Variants in MAF observed in about 807,000 individuals in gnomAD.
The protein encoded by MAF is transcription factor Maf.
Under a neutral mutation model 22.0 loss-of-function variants are expected in MAF, and 10 were observed. That is an observed-to-expected ratio of 0.45 (90% CI 0.28 to 0.77). The LOEUF (loss-of-function observed/expected upper bound fraction) is 0.77. MAF is among the 30% of genes least tolerant of loss of function. The probability of loss-of-function intolerance (pLI) is 0.12; values close to 1 mark genes in which losing one functional copy is unlikely to be tolerated. For missense variants in MAF, 544 were observed against 548.4 expected (o/e 0.99, Z 0.08); for synonymous variants, 337 against 255.8 (o/e 1.32, Z -3.03).
the MAF span, among the ~76,000 whole-genome samples, chr16:79,437,699 C>G: frequency 6.6e-6 from 1 of 152,166 alleles, no homozygotes; most frequent in East Asian, 1.9e-4. Context: ...GCATTACTCT[C>G]TGCTAGCTTC....
Position 79,598,261 on chromosome 16 carries a change from A to C in MAF, c.1118+524T>G, listed in dbSNP as rs1432314341. The C allele has an allele frequency of 4.7e-6, 5 of 1,058,006 alleles. No individual in the cohort carries two copies. In the African/African-American group the frequency reaches 8.5e-5, roughly 18 times the overall value. 65.5% of individuals were successfully genotyped at this position (1,058,006 alleles called of 1,614,324 possible). ...GCAACACAGCAAGCTCTAAAAGTAAAATTAAAAAAAAAAATCCAAACAAAA... is the reference window on the plus strand; with the variant it reads ...GCAACACAGCAAGCTCTAAAAGTAACATTAAAAAAAAAAATCCAAACAAAA... On this transcript the variant is annotated intron_variant, in intron 1 of 1. Transcript: ENST00000326043.
chr16:79,284,176 G>C, the MAF span, among the ~76,000 whole-genome samples: 1 of 152,108 alleles, frequency 6.6e-6, no homozygotes, highest in South Asian at 2.1e-4. Context: ...GCGCCCAGGA[G>C]CTTAAAGCAA....
At chr16:79,597,685 G>C (rs1913615591) in intron 1 of MAF, 8 of 1,020,120 alleles carry the variant, frequency 7.8e-6, no homozygotes, top group Non-Finnish European at 9.4e-6. Context: ...AAAAAGTCAT[G>C]AGGCAATAAA....
the MAF span, among the ~76,000 whole-genome samples, chr16:79,520,860 T>C: frequency 1.9e-4 from 29 of 152,292 alleles, no homozygotes; most frequent in African/African-American, 6.7e-4. Flanking sequence ...GTATTCACCA[T>C]GTGCCTGGGA....
At chr16:79,231,325 A>G in the MAF span, among the ~76,000 whole-genome samples, 10 of 152,086 alleles carry the variant, frequency 6.6e-5, 1 homozygote, top group Admixed American at 2.6e-4. Context: ...TTCTGGGGTA[A>G]AACTGGAAAT....
the MAF span, among the ~76,000 whole-genome samples, chr16:79,320,767 C>T: frequency 6.6e-6 from 1 of 152,186 alleles, no homozygotes; most frequent in Non-Finnish European, 1.5e-5. Context: ...CAGGGCTTGG[C>T]ACTTAATAAA....
At chr16:79,485,562 T>C in the MAF span, among the ~76,000 whole-genome samples, 1 of 152,224 alleles carries the variant, frequency 6.6e-6, no homozygotes, top group Non-Finnish European at 1.5e-5. Context: ...ACACATTGAA[T>C]TTAGTTGTAG....
the MAF span, among the ~76,000 whole-genome samples, chr16:79,502,942 A>T: frequency 0.038 from 5,763 of 151,500 alleles, 348 homozygotes; most frequent in African/African-American, 0.13. Context: ...CATCTTAGTA[A>T]ATATAATTAA....
At chr16:79,282,027 G>A in the MAF span, among the ~76,000 whole-genome samples, 1 of 152,164 alleles carries the variant, frequency 6.6e-6, no homozygotes, top group Admixed American at 6.5e-5. Flanking sequence ...AAAAGGCCGG[G>A]TGCAGTGGCT....
chr16:79,232,315 G>A, the MAF span, among the ~76,000 whole-genome samples: 2 of 151,940 alleles, frequency 1.3e-5, no homozygotes, highest in African/African-American at 4.8e-5. Context: ...ATATAGGCAT[G>A]GTTTCTTCTT....
At chr16:79,211,024 TATGGTGAGGA>T in the MAF span, among the ~76,000 whole-genome samples, 10 of 129,018 alleles carry the variant, frequency 7.8e-5, no homozygotes, top group Non-Finnish European at 1.3e-4. Flanking sequence ...AGTATGAATG[TATGGTGAGGA>T]GTGTGTGTGT....
chr16:79,288,472 G>A, the MAF span, among the ~76,000 whole-genome samples: 2 of 152,042 alleles, frequency 1.3e-5, no homozygotes, highest in Non-Finnish European at 2.9e-5. Context: ...CCAGCCCTTG[G>A]GAGTCATCAC....
the MAF span, among the ~76,000 whole-genome samples, chr16:79,252,733 G>A: frequency 2.6e-4 from 39 of 152,012 alleles, no homozygotes; most frequent in Admixed American, 8.5e-4. Flanking sequence ...CAGGTGATCC[G>A]CCCGCCTCAG....
chr16:79,539,678 A>C, the MAF span, among the ~76,000 whole-genome samples: 1 of 152,240 alleles, frequency 6.6e-6, no homozygotes, highest in African/African-American at 2.4e-5. Context: ...TAAACATCCA[A>C]TAATAGTTTG....
chr16:79,333,084 C>T, the MAF span, among the ~76,000 whole-genome samples: 1,766 of 152,304 alleles, frequency 0.012, 24 homozygotes, highest in African/African-American at 0.039. Flanking sequence ...TAAGGATAGG[C>T]GCTGCAGTCC....
the MAF span, among the ~76,000 whole-genome samples, chr16:79,377,381 T>G: frequency 6.6e-6 from 1 of 152,236 alleles, no homozygotes; most frequent in Non-Finnish European, 1.5e-5. Flanking sequence ...GTTGTTTGTT[T>G]TTTCCTCGTA....
chr16:79,393,164 C>A, the MAF span, among the ~76,000 whole-genome samples: 1 of 152,136 alleles, frequency 6.6e-6, no homozygotes, highest in Non-Finnish European at 1.5e-5. Flanking sequence ...ATTTTGATTC[C>A]GTTATTTCTC....
the MAF span, among the ~76,000 whole-genome samples, chr16:79,372,268 C>T: frequency 6.6e-6 from 1 of 151,796 alleles, no homozygotes; most frequent in Non-Finnish European, 1.5e-5. Context: ...GGAACTTGCT[C>T]AGAGCAAACA....
chr16:79,387,910 G>A, the MAF span, among the ~76,000 whole-genome samples: 1 of 152,180 alleles, frequency 6.6e-6, no homozygotes, highest in Non-Finnish European at 1.5e-5. Context: ...TTTATTCAAT[G>A]AGTCCCCAAC....
Sources: allele counts gnomAD v4.1 joint callset (sites outside exome capture counted in the v4.1 genomes callset), GRCh38; gene constraint gnomAD v4.1.1; transcripts MANE v1.5; gene names NCBI Gene and HGNC (gene_info 2026-07-23, HGNC 2026-07-21).